Variants in RFFL observed in about 807,000 individuals in gnomAD.
RFFL encodes the protein E3 ubiquitin-protein ligase rififylin.
RFFL carries 16 observed loss-of-function variants against 40.4 expected under a neutral mutation model. The observed-to-expected ratio is 0.40, with a 90% CI of 0.27 to 0.60. The LOEUF (loss-of-function observed/expected upper bound fraction) is 0.60. Ranked by LOEUF, RFFL falls within the 20% of genes least tolerant of loss-of-function variation. The pLI, the probability that RFFL is intolerant of heterozygous loss-of-function variation, is 0.47. For missense variants in RFFL, 367 were observed against 451.7 expected (o/e 0.81, Z 1.70); for synonymous variants, 154 against 167.9 (o/e 0.92, Z 0.64).
At chr17:35,067,510 G>A (rs1036949851), upstream of RFFL, among the ~76,000 whole-genome samples, 6 of 146,562 alleles carry the variant, frequency 4.1e-5, no homozygotes, top group African/African-American at 1.5e-4. Context: ...AGGTTGGAGT[G>A]CAGTGGCACA....
chr17:35,028,303 A>G (rs2091057005), intron 1 of RFFL, among the ~76,000 whole-genome samples: 1 of 152,058 alleles, frequency 6.6e-6, no homozygotes, highest in South Asian at 2.1e-4. Context: ...CCACTGCACA[A>G]CTACACTCCA....
At chr17:35,085,516 G>A (rs1026455936) in intron 1 of RFFL, among the ~76,000 whole-genome samples, 2 of 152,042 alleles carry the variant, frequency 1.3e-5, no homozygotes, top group Non-Finnish European at 2.9e-5. Context: ...TGCAACCTCC[G>A]TCTCCCAGGT....
upstream of RFFL, among the ~76,000 whole-genome samples, chr17:35,066,663 T>TCC (rs2091322236): frequency 6.6e-6 from 1 of 152,216 alleles, no homozygotes; most frequent in Admixed American, 6.5e-5. Context: ...CATCTCCCTT[T>TCC]TATCTACTTC....
chr17:35,014,875 G>T, intron 5 of RFFL, 112 bp from the exon 6 acceptor site: 1 of 1,060,772 alleles, frequency 9.4e-7, no homozygotes, highest in Non-Finnish European at 1.5e-6. Flanking sequence ...CTGGGAACCA[G>T]GCTTGCCAAG....
chr17:35,039,735 TG>T (rs1236535951), intron 1 of RFFL, among the ~76,000 whole-genome samples: 1 of 151,736 alleles, frequency 6.6e-6, no homozygotes, highest in Non-Finnish European at 1.5e-5. Flanking sequence ...TGGAGTGCAA[TG>T]GCACGATCTC....
intron 1 of RFFL, among the ~76,000 whole-genome samples, chr17:35,078,581 C>A (rs2142384568): frequency 6.6e-6 from 1 of 152,334 alleles, no homozygotes; most frequent in South Asian, 2.1e-4. Flanking sequence ...GAATTACAGG[C>A]ATGAGCCACC....
intron 1 of RFFL, among the ~76,000 whole-genome samples, chr17:35,084,972 T>C (rs1459054778): frequency 6.6e-6 from 1 of 152,068 alleles, no homozygotes; most frequent in African/African-American, 2.4e-5. Flanking sequence ...AGGTAGCGTC[T>C]ACATGGTATG....
intron 1 of RFFL, among the ~76,000 whole-genome samples, chr17:35,036,903 GGA>G (rs1414068667): frequency 6.6e-5 from 10 of 152,294 alleles, no homozygotes; most frequent in African/African-American, 1.9e-4. Flanking sequence ...CCCATGAAGG[GGA>G]GAGAGGAGTA....
At chr17:35,034,273 G>A (rs1022334119) in intron 1 of RFFL, among the ~76,000 whole-genome samples, 1 of 151,986 alleles carries the variant, frequency 6.6e-6, no homozygotes. Context: ...AGGATGTAGT[G>A]AGCTATGATC....
intron 1 of RFFL, among the ~76,000 whole-genome samples, chr17:35,052,930 G>T (rs1411554854): frequency 6.6e-6 from 1 of 152,190 alleles, no homozygotes; most frequent in Non-Finnish European, 1.5e-5. Flanking sequence ...GAGCCTTCAT[G>T]GGAAGAATGA....
intron 1 of RFFL, among the ~76,000 whole-genome samples, chr17:35,049,893 C>A (rs1175488379): frequency 1.3e-5 from 2 of 151,818 alleles, no homozygotes; most frequent in East Asian, 3.9e-4. Context: ...ACCAGCCTGG[C>A]CAACATGGCG....
Position 35,069,255 on chromosome 17 carries a change from A to G in RFFL, c.-9+19850T>C, listed in dbSNP as rs541890813. 69 of 456,570 alleles carry G rather than the reference A, an allele frequency of 1.5e-4. 2 individuals are homozygous for G. Among genetic ancestry groups the G allele is most frequent in the South Asian group, 1.1e-3 (69 of 64,552 alleles). 28.3% of individuals were successfully genotyped at this position (456,570 alleles called of 1,614,324 possible). On this transcript the variant is annotated intron_variant, in intron 1 of 6. Coordinates refer to the RFFL transcript ENST00000315249. ...AATAAGTCAAACTTCCTAAACGTCT[A>G]CCCTGGTTTCCACTAATAATGCCCC...
intron 6 of RFFL, among the ~76,000 whole-genome samples, chr17:35,013,431 A>G (rs780635016): frequency 1.9e-4 from 29 of 152,214 alleles, no homozygotes; most frequent in Non-Finnish European, 4.0e-4. Context: ...GCCATCTCCA[A>G]TATGTCTTAA....
chr17:35,016,348 T>C, intron 5 of RFFL, 22 bp downstream of exon 5: 2 of 1,607,322 alleles, frequency 1.2e-6, no homozygotes, highest in East Asian at 2.2e-5. Flanking sequence ...TCTGTAAAGC[T>C]ACCATGCAGA....
intron 3 of RFFL, among the ~76,000 whole-genome samples, chr17:35,019,759 G>A (rs964209357): frequency 6.6e-6 from 1 of 152,038 alleles, no homozygotes; most frequent in African/African-American, 2.4e-5. Context: ...ACAAGCAAAG[G>A]GAAGAATATA....
At chr17:35,046,226 A>C (rs2091199622) in intron 1 of RFFL, among the ~76,000 whole-genome samples, 1 of 152,234 alleles carries the variant, frequency 6.6e-6, no homozygotes, top group Non-Finnish European at 1.5e-5. Context: ...AAACCAGAAA[A>C]GGAGAGCCTG....
At chr17:35,012,207 G>A in intron 6 of RFFL, 58 bp from the exon 7 acceptor site, 2 of 1,462,326 alleles carry the variant, frequency 1.4e-6, no homozygotes, top group Non-Finnish European at 1.9e-6. Flanking sequence ...AATGTCTTAA[G>A]TGTATAGGGG....
Position 35,026,420 on chromosome 17 carries a change from G to T in RFFL, c.134C>A (p.Pro45Gln), listed in dbSNP as rs780835209. 3 of 1,614,022 alleles carry T rather than the reference G, an allele frequency of 1.9e-6. No individual in the cohort carries two copies. Among genetic ancestry groups the T allele is most frequent in the East Asian group, 2.2e-5 (1 of 44,852 alleles). ...SSFPSPTGLEPSCKSCGAHFA... is the reference protein window; with the variant it reads ...SSFPSPTGLEQSCKSCGAHFA... ...GTGAGCCCCACAGGACTTGCAGCTTGGTTCCAAGCCTGTTGGGGAAGGGAA... is the reference window on the plus strand; with the variant it reads ...GTGAGCCCCACAGGACTTGCAGCTTTGTTCCAAGCCTGTTGGGGAAGGGAA... Residue 45 changes from proline (P) to glutamine (Q), a missense_variant, in exon 2 of 7, where the codon CCA (proline) becomes CAA (glutamine). Physicochemically the swap from Pro to Gln is moderately conservative, Grantham distance 76. Coordinates refer to ENST00000394597, the MANE Select transcript of RFFL (RefSeq NM_001017368.2).
intron 1 of RFFL, among the ~76,000 whole-genome samples, chr17:35,035,482 A>C (rs576241918): frequency 6.6e-6 from 1 of 151,904 alleles, no homozygotes; most frequent in African/African-American, 2.4e-5. Context: ...GTCTTATGCT[A>C]GGAATATACA....
Sources: allele counts gnomAD v4.1 joint callset (sites outside exome capture counted in the v4.1 genomes callset), GRCh38; gene constraint gnomAD v4.1.1; transcripts MANE v1.5; gene names NCBI Gene and HGNC (gene_info 2026-07-23, HGNC 2026-07-21).